The following DAW1 variants were observed in gnomAD, a reference collection of about 807,000 sequenced individuals.
DAW1 encodes the protein dynein assembly factor with WD repeats 1.
Under a neutral mutation model 56.5 loss-of-function variants are expected in DAW1, and 47 were observed. The observed-to-expected ratio is 0.83, with a 90% confidence interval of 0.66 to 1.06. The LOEUF is 1.06. DAW1 is among the 50% of genes least tolerant of loss of function. The probability of loss-of-function intolerance (pLI) is 0.00; values close to 1 mark genes in which losing one functional copy is unlikely to be tolerated. For missense variants in DAW1, 505 were observed against 499.3 expected, an observed-to-expected ratio of 1.01 and a Z score of -0.11; for synonymous variants, 190 against 179.0, an observed-to-expected ratio of 1.06 and a Z score of -0.49.
At chr2:227,900,025 A>G (rs1221509255) in intron 6 of DAW1, among the ~76,000 whole-genome samples, 1 of 152,238 alleles carries the variant, frequency 6.6e-6, no homozygotes, top group Admixed American at 6.5e-5. Flanking sequence ...TGCTATGTTG[A>G]AGTTACTTTG....
At position 227,903,017 on chromosome 2, in the gene DAW1, A is replaced by C; in HGVS notation, c.556A>C (p.Asn186His). 1 of 1,614,148 alleles carries C rather than the reference A, an allele frequency of 6.2e-7. No individual in the cohort carries two copies. The highest frequency in any genetic ancestry group is 8.5e-7 in the Non-Finnish European group (1 of 1,180,002). Reference protein sequence around the residue: ...HTAEIVCLSFNPQSTLVATGS... With the variant: ...HTAEIVCLSFHPQSTLVATGS... ...TGTAATTTAGGTGTGTTTATCATTT[A>C]ACCCTCAAAGCACATTGGTGGCGAC... The change falls in exon 7 of 13, where the codon AAC becomes CAC. Residue 186 changes from asparagine (N) to histidine (H), a missense_variant. Asn to His is a moderately conservative substitution (Grantham distance 68). Coordinates refer to ENST00000309931, the MANE Select transcript of DAW1 (RefSeq NM_178821.3).
At chr2:227,910,841 G>C (rs1691797735) in intron 10 of DAW1, among the ~76,000 whole-genome samples, 1 of 152,028 alleles carries the variant, frequency 6.6e-6, no homozygotes, top group Non-Finnish European at 1.5e-5. Flanking sequence ...TCATTTTCAT[G>C]ATAAGCACCT....
At chr2:227,920,113 C>T (rs116826923) in intron 11 of DAW1, among the ~76,000 whole-genome samples, 162 of 152,308 alleles carry the variant, frequency 1.1e-3, no homozygotes, top group African/African-American at 3.7e-3. Flanking sequence ...GCTATTGAGA[C>T]ATCTGTGTGT....
At chr2:227,902,194 G>A (rs1204142552) in intron 6 of DAW1, among the ~76,000 whole-genome samples, 1 of 152,178 alleles carries the variant, frequency 6.6e-6, no homozygotes, top group East Asian at 1.9e-4. Context: ...AACTTTCTGT[G>A]CTGTTCTCTT....
intron 11 of DAW1, among the ~76,000 whole-genome samples, chr2:227,919,749 A>G (rs2106217957): frequency 6.6e-6 from 1 of 152,310 alleles, no homozygotes; most frequent in African/African-American, 2.4e-5. Flanking sequence ...TTCGTAGAGT[A>G]GGCTAGGATT....
intron 1 of DAW1, among the ~76,000 whole-genome samples, chr2:227,874,114 G>A (rs1690819038): frequency 6.6e-6 from 1 of 152,116 alleles, no homozygotes; most frequent in African/African-American, 2.4e-5. Context: ...GCCTGTGCTG[G>A]TTCCCATAGA....
At chr2:227,909,164 C>T (rs1338318708) in intron 10 of DAW1, among the ~76,000 whole-genome samples, 3 of 151,536 alleles carry the variant, frequency 2.0e-5, no homozygotes, top group Non-Finnish European at 2.9e-5. Flanking sequence ...ATTTATACCT[C>T]ATTGCCCTGG....
At chr2:227,881,958 G>A (rs1691023298) in intron 1 of DAW1, among the ~76,000 whole-genome samples, 1 of 151,886 alleles carries the variant, frequency 6.6e-6, no homozygotes, top group South Asian at 2.1e-4. Context: ...CAGCATGTTG[G>A]CCAGGCTGAT....
chr2:227,894,237 C>T (rs1421911922), intron 5 of DAW1, among the ~76,000 whole-genome samples: 1 of 152,034 alleles, frequency 6.6e-6, no homozygotes, highest in Non-Finnish European at 1.5e-5. Context: ...CCCATCTCTA[C>T]TAAAAATACA....
At chr2:227,900,625 C>G (rs1327125741) in intron 6 of DAW1, among the ~76,000 whole-genome samples, 1 of 152,118 alleles carries the variant, frequency 6.6e-6, no homozygotes, top group Non-Finnish European at 1.5e-5. Context: ...TCCAGGCAGA[C>G]CGAGCAGCCC....
At position 227,906,306 on chromosome 2, in the gene DAW1, A is replaced by C; in HGVS notation, c.826A>C (p.Ile276Leu). 3 of 1,612,658 alleles carry C rather than the reference A, an allele frequency of 1.9e-6. No individual in the cohort carries two copies. Among genetic ancestry groups the C allele is most frequent in the Non-Finnish European group, 2.5e-6 (3 of 1,179,082 alleles). Residue 276 changes from isoleucine to leucine, a missense_variant, in exon 9 of 13, where the codon ATA becomes CTA. Ile to Leu is a conservative substitution (Grantham distance 5, BLOSUM62 2). Transcript: ENST00000309931. Reference protein sequence around the residue: ...SASFNWDCSLILTGSMDKTCK... With the variant: ...SASFNWDCSLLLTGSMDKTCK... The stretch of plus-strand genomic sequence containing the variant: ...CTCATTCAATTGGGATTGCTCTCTA[A>C]TATTAACTGGCTCTATGGACAAAAC...
chr2:227,894,819 G>A (rs570504991), intron 5 of DAW1, among the ~76,000 whole-genome samples: 3 of 152,278 alleles, frequency 2.0e-5, no homozygotes, highest in African/African-American at 7.2e-5. Context: ...CATACCCGCC[G>A]GAATGGGCAT....
chr2:227,876,994 A>G (rs917533329), intron 1 of DAW1, among the ~76,000 whole-genome samples: 4 of 152,246 alleles, frequency 2.6e-5, no homozygotes, highest in Non-Finnish European at 5.9e-5. Context: ...AGTAAAGAAT[A>G]CTAATATCAT....
chr2:227,905,036 G>C lies in DAW1; in HGVS notation c.755+1G>C, dbSNP rs1027016180. 2 of 1,610,476 alleles carry C rather than the reference G, an allele frequency of 1.2e-6. No individual in the cohort carries two copies. Among genetic ancestry groups the C allele is most frequent in the Non-Finnish European group, 1.7e-6 (2 of 1,178,050 alleles). On this transcript the variant is annotated splice_donor_variant, in intron 8 of 12. Transcript: ENST00000309931. LOFTEE classifies it high-confidence loss of function. The stretch of plus-strand genomic sequence containing the variant: ...TAGTGTGGGACGCTGATACTGGAAG[G>C]TAATTCTTAGTTCTTAAGAATTGTT...
At chr2:227,912,524 T>A in intron 10 of DAW1, 1 of 1,269,110 alleles carries the variant, frequency 7.9e-7, no homozygotes, top group Non-Finnish European at 1.0e-6. Context: ...AATGCTGCAC[T>A]GTCTAGTATG....
In DAW1 at chr2:227,908,811, C is replaced by T. The variant is rs1428260943; in HGVS notation, c.973+1559C>T. ...ATGCTATACTAAGTCTATGTCATAT[C>T]GACATCACATACCATGCGTGATGCT... On this transcript the variant is annotated intron_variant, in intron 10 of 12. Coordinates refer to ENST00000309931, the MANE Select transcript of DAW1 (RefSeq NM_178821.3). 2.0e-5 allele frequency among the ~76,000 whole-genome samples: 3 copies of T among 152,088 alleles called. No homozygotes were observed. The East Asian group carries it at 5.8e-4, about 29-fold the overall frequency.
intron 8 of DAW1, among the ~76,000 whole-genome samples, chr2:227,905,856 G>A (rs972872855): frequency 1.6e-4 from 24 of 152,216 alleles, no homozygotes; most frequent in Non-Finnish European, 2.9e-4. Flanking sequence ...CTGGGTTCAC[G>A]CCATTCTCCT....
At chr2:227,889,798 T>C (rs1691216763) in intron 2 of DAW1, 58 bp from the exon 3 acceptor site, 3 of 1,415,868 alleles carry the variant, frequency 2.1e-6, no homozygotes, top group South Asian at 1.5e-5. Flanking sequence ...TCATGTAATA[T>C]AGGTATATGC....
Position 227,889,515 on chromosome 2 carries a change from G to A in DAW1, c.114-341G>A, listed in dbSNP as rs78290652. 5.7e-3 allele frequency: 969 copies of A among 168,844 alleles called. 5 individuals carry two copies. The highest frequency in any genetic ancestry group is 0.012 in the Admixed American group (187 of 15,740). The allele number at this position is 168,844 out of a possible 1,614,324, so 10.5% of individuals were successfully genotyped here. A position where few individuals can be genotyped will look rare whatever the true frequency, so the allele number is the denominator to read the frequency against. On this transcript the variant is annotated intron_variant, in intron 2 of 12. Transcript: ENST00000309931. ...CGCACCTCTTAATGCTGTGACATTG[G>A]TGAACATGTTTCAGCATGAATTTTA... is the stretch of plus-strand genomic sequence containing the variant.
Sources: allele counts gnomAD v4.1 joint callset (sites outside exome capture counted in the v4.1 genomes callset), GRCh38; gene constraint gnomAD v4.1.1; transcripts MANE v1.5; gene names NCBI Gene and HGNC (gene_info 2026-07-23, HGNC 2026-07-21).